Variants in MAP9 observed in about 807,000 individuals in gnomAD.
The protein encoded by MAP9 is microtubule associated protein 9.
In MAP9, 80 loss-of-function variants were observed where a neutral mutation model predicts 75.2. That is an observed-to-expected ratio of 1.06 (90% CI 0.89 to 1.28). The LOEUF is 1.28. Among genes scored for constraint, MAP9 ranks in the 50% most tolerant of loss-of-function variants. The pLI is 0.00. For missense variants in MAP9, 753 were observed against 719.9 expected, an observed-to-expected ratio of 1.05 and a Z score of -0.53; for synonymous variants, 235 against 237.3, an observed-to-expected ratio of 0.99 and a Z score of 0.09.
Position 155,352,598 on chromosome 4 carries a change from G to A in MAP9, c.1819C>T (p.Leu607=), listed in dbSNP as rs751727369. 7.6e-6 allele frequency: 12 copies of A among 1,573,098 alleles called. No homozygotes were observed. Among genetic ancestry groups the A allele is most frequent in the South Asian group, 1.2e-5 (1 of 86,330 alleles). ...GTGCATTGACAAATAATACCTACCA[G>A]CCATTTTTCATATTCATTAATAGCT... The part of the protein sequence containing the change: ...KQAINEYEKW[L]ENKEKQERIE... Residue 607 remains leucine, a splice_region_variant and synonymous_variant, in exon 13 of 14, where the codon CTG becomes TTG. Transcript: ENST00000311277.
rs1046648771 is a variant in MAP9 at position 155,345,975 on chromosome 4, A to C, written c.*1808T>G. 9.8e-5 allele frequency: 15 copies of C among 152,312 alleles called. No individual in the cohort carries two copies. Among genetic ancestry groups the C allele is most frequent in the African/African-American group, 3.4e-4 (14 of 41,582 alleles). 9.4% of individuals were successfully genotyped at this position (152,312 alleles called of 1,614,324 possible). ...ATGAGTAAGAGAGGTCCTAAATTCC[A>C]TGCTGATACTACATATTGCTGATAA... is the stretch of plus-strand genomic sequence containing the variant. On this transcript the variant is annotated 3_prime_UTR_variant, in exon 14 of 14. Coordinates refer to ENST00000311277, the MANE Select transcript of MAP9 (RefSeq NM_001039580.2).
intron 13 of MAP9, 98 bp downstream of exon 13, chr4:155,352,498 G>A (rs750196495): frequency 8.5e-7 from 1 of 1,176,346 alleles, no homozygotes; most frequent in Non-Finnish European, 1.2e-6. Flanking sequence ...AGGTAGAAAT[G>A]ATCAGTAGGT....
chr4:155,353,248 CT>C lies in MAP9; in HGVS notation c.1472del (p.Lys491ArgfsTer67). On this transcript the variant is annotated frameshift_variant, in exon 11 of 14. Coordinates refer to ENST00000311277, the MANE Select transcript of MAP9 (RefSeq NM_001039580.2). LOFTEE classifies it high-confidence loss of function. The stretch of plus-strand genomic sequence containing the variant: ...TCTTCTTGTTTTTTTCTTCAAGCCT[CT>C]TTTTGGCAGCTATTTTCTTTGCTTC... ...EKEAKKIAAKKRLEEKNKKKT... is the reference protein window; with the variant it reads ...EKEAKKIAAKXRLEEKNKKKT... 1 of 1,609,280 alleles carries C rather than the reference CT, an allele frequency of 6.2e-7. No homozygotes were observed. The highest frequency in any genetic ancestry group is 1.7e-5 in the Admixed American group (1 of 59,328).
chr4:155,345,679 C>T lies in MAP9; in HGVS notation c.*2104G>A, dbSNP rs1177230775. 3 of 151,966 alleles carry T rather than the reference C, an allele frequency of 2.0e-5. No homozygotes were observed. The highest frequency in any genetic ancestry group is 4.4e-5 in the Non-Finnish European group (3 of 67,974). The allele number at this position is 151,966 out of a possible 1,614,324, so 9.4% of individuals were successfully genotyped here. On this transcript the variant is annotated 3_prime_UTR_variant, in exon 14 of 14. Transcript: ENST00000311277. Reference sequence around the variant, plus strand: ...GTCAAATAGTTTACATTAATTAACTCGGTTCTCACAACAACCTAAGAAGTA... The same window carrying T: ...GTCAAATAGTTTACATTAATTAACTTGGTTCTCACAACAACCTAAGAAGTA...
intron 10 of MAP9, 32 bp from the exon 11 acceptor site, chr4:155,353,372 A>G: frequency 6.9e-7 from 1 of 1,457,840 alleles, no homozygotes; most frequent in African/African-American, 1.5e-5. Flanking sequence ...AGTGATATAC[A>G]TATATATGTA....
chr4:155,355,129 T>A lies in MAP9; in HGVS notation c.1322A>T (p.His441Leu), dbSNP rs753653725. The change falls in exon 10 of 14, where the codon CAT (histidine) becomes CTT (leucine). Residue 441 changes from histidine (H) to leucine (L), a missense_variant. By Grantham distance (99) the His-to-Leu change is moderately conservative. Coordinates refer to ENST00000311277, the MANE Select transcript of MAP9 (RefSeq NM_001039580.2). ...AATTCTTTTTATTCTGTGCATTTCA[T>A]GTAAATACACATTTTTCTTTTCTAA... is the stretch of plus-strand genomic sequence containing the variant. ...EWLEKKNVYL[H>L]EMHRIKRIES... 1 of 1,400,232 alleles carries A rather than the reference T, an allele frequency of 7.1e-7. No individual in the cohort carries two copies. Among genetic ancestry groups the A allele is most frequent in the Non-Finnish European group, 9.7e-7 (1 of 1,028,840 alleles). The allele number at this position is 1,400,232 out of a possible 1,614,324, so 86.7% of individuals were successfully genotyped here.
chr4:155,370,815 C>T (rs979974447), intron 4 of MAP9, among the ~76,000 whole-genome samples: 8 of 152,218 alleles, frequency 5.3e-5, no homozygotes, highest in East Asian at 1.9e-4. Context: ...TATAAACAAA[C>T]GCTAAATAAT....
rs1731847258 is a variant in MAP9, at chr4:155,357,498, T to C, written c.1072A>G (p.Ile358Val). ...TTATTTGTTGACTTTTTATTCTTTA[T>C]ATTTCTATCTTCAATTGTTTTCTAT... ...SSKKTIEDRN[I>V]KNKKSTNNRA... Residue 358 changes from isoleucine (I) to valine (V), a missense_variant, in exon 8 of 14, where the codon ATA (isoleucine) becomes GTA (valine). By Grantham distance (29) the Ile-to-Val change is conservative. Transcript: ENST00000311277. 4 of 1,536,272 alleles carry C rather than the reference T, an allele frequency of 2.6e-6. No individual in the cohort carries two copies. The Admixed American group carries it at 6.7e-5, about 26-fold the overall frequency.
chr4:155,368,343 A>C, intron 5 of MAP9: 2 of 598,254 alleles, frequency 3.3e-6, no homozygotes, highest in South Asian at 4.2e-5. Context: ...TTATAGTTTA[A>C]TTGGATGCAT....
Position 155,373,449 on chromosome 4 carries a change from T to C in MAP9, c.168A>G (p.Leu56=), listed in dbSNP as rs1732695426. The change falls in exon 4 of 14, where the codon TTA becomes TTG. Residue 56 remains leucine (L), a synonymous_variant. Coordinates refer to ENST00000311277, the MANE Select transcript of MAP9 (RefSeq NM_001039580.2). ...DDFDSDEIVS[L]GDFSDTSADE... ...CTGCTGAAGTGTCAGAAAAATCACC[T>C]AAAGAAACTGAAAAATGGAAAAGAA... 6.6e-7 allele frequency: 1 copy of C among 1,515,624 alleles called. No homozygotes were observed. The highest frequency in any genetic ancestry group is 8.8e-7 in the Non-Finnish European group (1 of 1,136,000). 93.9% of individuals were successfully genotyped at this position (1,515,624 alleles called of 1,614,324 possible). A position where few individuals can be genotyped will look rare whatever the true frequency, so the allele number is the denominator to read the frequency against.
chr4:155,363,995 A>C (rs1732207935), intron 5 of MAP9, among the ~76,000 whole-genome samples: 1 of 152,096 alleles, frequency 6.6e-6, no homozygotes, highest in Non-Finnish European at 1.5e-5. Flanking sequence ...AAAGCTCAAC[A>C]AACGTCAAGC....
chr4:155,357,433 T>C lies in MAP9; in HGVS notation c.1121+16A>G, dbSNP rs1402927166. On this transcript the variant is annotated intron_variant, in intron 8 of 13. Transcript: ENST00000311277. ...AATGCAAGCCCATAAATGACAAATA[T>C]TGGTAACTTTATTACCTGGCAGATG... 2 of 1,485,398 alleles carry C rather than the reference T, an allele frequency of 1.3e-6. No individual in the cohort carries two copies. Among genetic ancestry groups the C allele is most frequent in the Non-Finnish European group, 1.9e-6 (2 of 1,064,396 alleles). 92.0% of individuals were successfully genotyped at this position (1,485,398 alleles called of 1,614,324 possible). A position where few individuals can be genotyped will look rare whatever the true frequency, so the allele number is the denominator to read the frequency against.
chr4:155,365,225 T>C (rs1732271291), intron 5 of MAP9, among the ~76,000 whole-genome samples: 1 of 152,010 alleles, frequency 6.6e-6, no homozygotes, highest in Non-Finnish European at 1.5e-5. Flanking sequence ...ATGGAAACAC[T>C]TGTCATAAGA....
At chr4:155,374,562 G>A (rs1732753971) in intron 3 of MAP9, among the ~76,000 whole-genome samples, 1 of 152,110 alleles carries the variant, frequency 6.6e-6, no homozygotes, top group African/African-American at 2.4e-5. Context: ...GTGCACCGAA[G>A]TTTAGTTCTG....
intron 7 of MAP9, among the ~76,000 whole-genome samples, chr4:155,359,772 T>C (rs1731981829): frequency 6.6e-6 from 1 of 152,116 alleles, no homozygotes; most frequent in African/African-American, 2.4e-5. Flanking sequence ...TTTAAGATTT[T>C]TGTTAAAATT....
At chr4:155,369,061 G>C (rs1411551360) in intron 4 of MAP9, among the ~76,000 whole-genome samples, 6 of 152,104 alleles carry the variant, frequency 3.9e-5, no homozygotes, top group African/African-American at 1.4e-4. Context: ...GGTGACTCAC[G>C]CCTGTAATCC....
chr4:155,373,906 G>A (rs1264373273), intron 3 of MAP9, among the ~76,000 whole-genome samples: 1 of 151,902 alleles, frequency 6.6e-6, no homozygotes, highest in Admixed American at 6.6e-5. Context: ...AAAAATTTTG[G>A]AACTACAATT....
In MAP9 at chr4:155,374,964, A is replaced by G. The variant is rs1268328387; in HGVS notation, c.133T>C (p.Ser45Pro). The G allele has an allele frequency of 1.3e-6, 2 of 1,592,554 alleles. No homozygotes were observed. Among genetic ancestry groups the G allele is most frequent in the South Asian group, 2.2e-5 (2 of 89,534 alleles). ...RSARQRSSEY[S>P]DDFDSDEIVS... ...ATCTCATCACTGTCAAAGTCATCTG[A>G]GTATTCAGAACTCCTTTGTCTGGCT... The change falls in exon 3 of 14, where the codon TCA (serine) becomes CCA (proline). Residue 45 changes from serine to proline, a missense_variant. By Grantham distance (74) the Ser-to-Pro change is moderately conservative (BLOSUM62 -1). Transcript: ENST00000311277.
chr4:155,368,734 T>A lies in MAP9; in HGVS notation c.560A>T (p.His187Leu). The change falls in exon 5 of 14, where the codon CAC (histidine) becomes CTC (leucine). Residue 187 changes from histidine (H) to leucine (L), a missense_variant. Physicochemically the swap from His to Leu is moderately conservative, Grantham distance 99. Coordinates refer to ENST00000311277, the MANE Select transcript of MAP9 (RefSeq NM_001039580.2). ...RPRSMLKKKSHMEEKDGLEDK... is the reference protein window; with the variant it reads ...RPRSMLKKKSLMEEKDGLEDK... ...TTCTAGTCCATCCTTCTCCTCCATG[T>A]GACTTTTCTTTTTCAACATACTCCT... The A allele has an allele frequency of 6.2e-7, 1 of 1,614,144 alleles. No individual in the cohort carries two copies. Among genetic ancestry groups the A allele is most frequent in the Non-Finnish European group, 8.5e-7 (1 of 1,179,950 alleles).
Sources: gnomAD v4.1 joint callset for allele counts (sites outside exome capture counted in the v4.1 genomes callset) on GRCh38, gnomAD v4.1.1 for gene constraint, MANE v1.5 for transcripts, NCBI Gene and HGNC (gene_info 2026-07-23, HGNC 2026-07-21) for gene names.